Variants in RNF169 observed in about 807,000 individuals in gnomAD.
The protein encoded by RNF169 is ring finger protein 169.
In RNF169, 24 loss-of-function variants were observed where a neutral mutation model predicts 53.9. That is an observed-to-expected ratio of 0.45 (90% CI 0.32 to 0.63). The LOEUF (loss-of-function observed/expected upper bound fraction) is 0.63, where lower values mean the gene tolerates loss of function less well. Among genes scored for constraint, RNF169 ranks in the 20% least tolerant of loss-of-function variants. The probability of loss-of-function intolerance (pLI) is 0.04; values close to 1 mark genes in which losing one functional copy is unlikely to be tolerated. For synonymous variants in RNF169, 396 were observed against 363.5 expected, an observed-to-expected ratio of 1.09 and a Z score of -1.02; for missense variants, 883 against 906.2, an observed-to-expected ratio of 0.97 and a Z score of 0.33.
At chr11:74,770,085 C>G (rs2035237531) in intron 1 of RNF169, among the ~76,000 whole-genome samples, 1 of 152,154 alleles carries the variant, frequency 6.6e-6, no homozygotes, top group Non-Finnish European at 1.5e-5. Flanking sequence ...AGCCACCATA[C>G]CTGGCTTTAG....
chr11:74,789,466 T>A (rs1480262124), intron 1 of RNF169, among the ~76,000 whole-genome samples, 160 bp from the exon 2 acceptor site: 1 of 152,240 alleles, frequency 6.6e-6, no homozygotes, highest in Non-Finnish European at 1.5e-5. Flanking sequence ...CAGAAGTGTA[T>A]ACTTTCCTCT....
chr11:74,798,467 A>G (rs2035681593), intron 2 of RNF169, among the ~76,000 whole-genome samples: 1 of 152,228 alleles, frequency 6.6e-6, no homozygotes, highest in African/African-American at 2.4e-5. Flanking sequence ...AATTTTGATC[A>G]GACCGGTTGA....
In RNF169 at chr11:74,836,313, C is replaced by T. The variant is rs1288770988; in HGVS notation, c.1710C>T (p.Ile570=). 2.5e-6 allele frequency: 4 copies of T among 1,614,198 alleles called. No homozygotes were observed. The change falls in exon 6 of 6, where the codon ATC becomes ATT. Residue 570 remains isoleucine (I), a synonymous_variant. Transcript: ENST00000299563. ...CCTGTATAAGCAGAGCCATGAAAAT[C>T]ACCACAGTTAATTCAGTGCTACCCC... The part of the protein sequence containing the change: ...DKTCISRAMK[I]TTVNSVLPQN...
At chr11:74,770,275 A>C (rs1275962921) in intron 1 of RNF169, among the ~76,000 whole-genome samples, 1 of 152,198 alleles carries the variant, frequency 6.6e-6, no homozygotes, top group East Asian at 1.9e-4. Context: ...TAGCCATCGT[A>C]TTTCTTTTTT....
chr11:74,804,261 C>T (rs545972223), intron 2 of RNF169, among the ~76,000 whole-genome samples: 98 of 152,186 alleles, frequency 6.4e-4, no homozygotes, highest in Admixed American at 7.2e-4. Flanking sequence ...ATCTTATGCC[C>T]GGAGCTGCTA....
intron 1 of RNF169, among the ~76,000 whole-genome samples, chr11:74,763,869 C>T (rs927457778): frequency 1.3e-5 from 2 of 152,136 alleles, no homozygotes; most frequent in Non-Finnish European, 2.9e-5. Flanking sequence ...TGTTTTGAGA[C>T]GAGGTCTTGC....
intron 2 of RNF169, among the ~76,000 whole-genome samples, chr11:74,802,928 G>T (rs945760332): frequency 2.7e-5 from 4 of 146,312 alleles, no homozygotes; most frequent in East Asian, 2.0e-4. Flanking sequence ...AATTTTTTTT[G>T]GGGGGGGGTG....
At chr11:74,810,095 C>A in intron 2 of RNF169, 89 bp from the exon 3 acceptor site, 1 of 1,150,028 alleles carries the variant, frequency 8.7e-7, no homozygotes, top group Non-Finnish European at 1.2e-6. Flanking sequence ...GCCATGTGAT[C>A]TGTTTGTTCT....
chr11:74,763,575 TAAAC>T (rs1213282182), intron 1 of RNF169, among the ~76,000 whole-genome samples: 1 of 152,144 alleles, frequency 6.6e-6, no homozygotes, highest in Non-Finnish European at 1.5e-5. Flanking sequence ...GTAAATAAGT[TAAAC>T]AATAGTTTAC....
At chr11:74,770,002 G>C (rs1759121782) in intron 1 of RNF169, among the ~76,000 whole-genome samples, 3 of 152,178 alleles carry the variant, frequency 2.0e-5, no homozygotes, top group Non-Finnish European at 4.4e-5. Context: ...ATGTTGCCCA[G>C]GTTGGTCTTG....
chr11:74,768,436 G>A (rs1015900033), intron 1 of RNF169, among the ~76,000 whole-genome samples: 16 of 152,054 alleles, frequency 1.1e-4, no homozygotes, highest in African/African-American at 3.4e-4. Context: ...GGGAAACCCC[G>A]TCTCTACTGA....
intron 1 of RNF169, among the ~76,000 whole-genome samples, chr11:74,753,375 G>A (rs113670310): frequency 6.6e-6 from 1 of 152,140 alleles, no homozygotes; most frequent in East Asian, 1.9e-4. Flanking sequence ...AGATGAAAAA[G>A]GGTCAACAGA....
At position 74,842,170 on chromosome 11, in the gene RNF169, G is replaced by T. The variant is rs1395592262; in HGVS notation, c.*5440G>T. ...GATTGGAGAAGGTACCTGGATCCTT[G>T]TGGACTGCCACTGCTGGCTGCCTCC... On this transcript the variant is annotated 3_prime_UTR_variant, in exon 6 of 6. Coordinates refer to ENST00000299563, the MANE Select transcript of RNF169 (RefSeq NM_001098638.2). 1 of 152,196 alleles carries T rather than the reference G, an allele frequency of 6.6e-6. No homozygotes were observed. Among genetic ancestry groups the T allele is most frequent in the Non-Finnish European group, 1.5e-5 (1 of 68,048 alleles). The allele number at this position is 152,196 out of a possible 1,614,324, so 9.4% of individuals were successfully genotyped here. A position where few individuals can be genotyped will look rare whatever the true frequency, so the allele number is the denominator to read the frequency against.
At chr11:74,766,097 A>T (rs908152789) in intron 1 of RNF169, among the ~76,000 whole-genome samples, 1 of 152,174 alleles carries the variant, frequency 6.6e-6, no homozygotes, top group African/African-American at 2.4e-5. Context: ...AAAAAAACCT[A>T]TAAATATAGA....
At chr11:74,792,048 G>A (rs933140933) in intron 2 of RNF169, among the ~76,000 whole-genome samples, 2 of 152,316 alleles carry the variant, frequency 1.3e-5, no homozygotes, top group Admixed American at 1.3e-4. Context: ...AAGATCATAG[G>A]AAACTGTGGC....
chr11:74,806,281 A>G (rs1029291352), intron 2 of RNF169, among the ~76,000 whole-genome samples: 1 of 152,228 alleles, frequency 6.6e-6, no homozygotes, highest in African/African-American at 2.4e-5. Flanking sequence ...TACAAATTAA[A>G]ATAATGCAGT....
intron 1 of RNF169, among the ~76,000 whole-genome samples, chr11:74,786,419 T>C (rs1335819372): frequency 6.6e-6 from 1 of 151,880 alleles, no homozygotes; most frequent in East Asian, 1.9e-4. Flanking sequence ...GGTTTTTTTG[T>C]TTAATTTTTG....
At chr11:74,823,465 G>A (rs964701076) in intron 4 of RNF169, among the ~76,000 whole-genome samples, 34 of 152,260 alleles carry the variant, frequency 2.2e-4, no homozygotes, top group Non-Finnish European at 4.4e-4. Flanking sequence ...GCTGAGTTTG[G>A]TGACTCATGC....
At chr11:74,816,964 G>A (rs976354970) in intron 3 of RNF169, among the ~76,000 whole-genome samples, 4 of 152,186 alleles carry the variant, frequency 2.6e-5, no homozygotes, top group South Asian at 2.1e-4. Context: ...AAAGCCTGAA[G>A]AGAATGAGAC....
Sources: allele counts gnomAD v4.1 joint callset (sites outside exome capture counted in the v4.1 genomes callset), GRCh38; gene constraint gnomAD v4.1.1; transcripts MANE v1.5; gene names NCBI Gene and HGNC (gene_info 2026-07-23, HGNC 2026-07-21).